Variants in MAGI2 observed in about 807,000 individuals in gnomAD.
MAGI2 encodes the protein membrane-associated guanylate kinase, WW and PDZ domain-containing protein 2.
A neutral mutation model predicts 133.3 loss-of-function variants in MAGI2; 35 were observed. That is an observed-to-expected ratio of 0.26 (90% CI 0.20 to 0.35). MAGI2 has a LOEUF of 0.35. Ranked by LOEUF, MAGI2 falls within the 10% of genes least tolerant of loss-of-function variation. MAGI2 has a pLI of 1.00. For synonymous variants in MAGI2, 729 were observed against 710.6 expected, an observed-to-expected ratio of 1.03 and a Z score of -0.41; for missense variants, 1,636 against 1,863.4, an observed-to-expected ratio of 0.88 and a Z score of 2.25.
At chr7:79,342,338 T>C (rs574974348) in intron 1 of MAGI2, among the ~76,000 whole-genome samples, 1 of 152,336 alleles carries the variant, frequency 6.6e-6, no homozygotes, top group South Asian at 2.1e-4. Flanking sequence ...CTCAGTACTG[T>C]TAGAGCCTCA....
chr7:78,637,187 T>G (rs537653650), intron 2 of MAGI2, among the ~76,000 whole-genome samples: 309 of 152,366 alleles, frequency 2.0e-3, no homozygotes, highest in African/African-American at 7.1e-3. Flanking sequence ...TAAGCCATCC[T>G]TCATTTTCTG....
chr7:78,202,665 A>AGAGT lies in MAGI2; in HGVS notation c.2048-1476_2048-1473dup, dbSNP rs1339853454. On this transcript the variant is annotated intron_variant, in intron 10 of 21. Coordinates refer to ENST00000354212, the MANE Select transcript of MAGI2 (RefSeq NM_012301.4). The stretch of plus-strand genomic sequence containing the variant: ...GCCACTGTACTCCAGCCTGGGCAAC[A>AGAGT]GAGTGAGACTCTGTCTCAAAAAAAA... 3.8e-5 allele frequency among the ~76,000 whole-genome samples: 5 copies of AGAGT among 132,126 alleles called. No homozygotes were observed. The East Asian group carries it at 9.6e-4, about 25-fold the overall frequency. 86.7% of individuals were successfully genotyped at this position (132,126 alleles called of 152,430 possible).
intron 1 of MAGI2, among the ~76,000 whole-genome samples, chr7:79,422,171 T>A (rs532287315): frequency 9.9e-5 from 15 of 152,160 alleles, no homozygotes; most frequent in African/African-American, 3.4e-4. Flanking sequence ...GCTCATAAAT[T>A]CTACATGACC....
chr7:79,321,886 A>C (rs1218196633), intron 1 of MAGI2, among the ~76,000 whole-genome samples: 1 of 152,122 alleles, frequency 6.6e-6, no homozygotes, highest in Non-Finnish European at 1.5e-5. Context: ...ATCAGTGGAG[A>C]CTGACTTTAA....
rs138679369 is a variant in MAGI2, at chr7:78,257,468, C to G, written c.1409-887G>C. ...GATCAGTTTCAATAAAGGCACTTGT[C>G]CTTTCTCCCCAGTGAACTATCACAG... On this transcript the variant is annotated intron_variant, in intron 9 of 21. Coordinates refer to ENST00000354212, the MANE Select transcript of MAGI2 (RefSeq NM_012301.4). 3.8e-4 allele frequency among the ~76,000 whole-genome samples: 58 copies of G among 152,232 alleles called. 1 individual carries two copies. In the East Asian group the frequency reaches 8.7e-3, roughly 23 times the overall value.
chr7:78,387,668 T>G (rs1795507882), intron 6 of MAGI2, among the ~76,000 whole-genome samples: 1 of 152,174 alleles, frequency 6.6e-6, no homozygotes, highest in Admixed American at 6.5e-5. Flanking sequence ...GTCTCACACC[T>G]GTAATCCCAG....
At chr7:79,107,662 T>C (rs961874528) in intron 1 of MAGI2, among the ~76,000 whole-genome samples, 2 of 152,228 alleles carry the variant, frequency 1.3e-5, no homozygotes, top group Admixed American at 1.3e-4. Flanking sequence ...GAAATTCTTA[T>C]GCATACTCCA....
At chr7:78,700,672 A>G (rs1172148161) in intron 2 of MAGI2, among the ~76,000 whole-genome samples, 1 of 152,044 alleles carries the variant, frequency 6.6e-6, no homozygotes, top group African/African-American at 2.4e-5. Flanking sequence ...CAAAGATTGA[A>G]GATATCTGAC....
intron 1 of MAGI2, among the ~76,000 whole-genome samples, chr7:79,176,671 C>G (rs1362883881): frequency 2.0e-5 from 3 of 151,900 alleles, no homozygotes; most frequent in Admixed American, 6.6e-5. Flanking sequence ...TAGAATTTGC[C>G]TTTGCCCACT....
At chr7:78,800,065 C>A (rs547586605) in intron 2 of MAGI2, among the ~76,000 whole-genome samples, 2 of 152,106 alleles carry the variant, frequency 1.3e-5, no homozygotes, top group Admixed American at 6.6e-5. Context: ...TGGTATGATT[C>A]ATCTTTCTAT....
intron 2 of MAGI2, among the ~76,000 whole-genome samples, chr7:79,003,479 A>T (rs1341963907): frequency 6.6e-6 from 1 of 152,230 alleles, no homozygotes; most frequent in Non-Finnish European, 1.5e-5. Context: ...ATGTATCATT[A>T]ATGCATGCAT....
intron 1 of MAGI2, among the ~76,000 whole-genome samples, chr7:79,099,631 C>T (rs1370340866): frequency 1.3e-5 from 2 of 152,092 alleles, no homozygotes; most frequent in African/African-American, 2.4e-5. Flanking sequence ...TCCTCTCTCC[C>T]TTCACCCTTA....
At chr7:78,953,302 A>C (rs908556638) in intron 2 of MAGI2, among the ~76,000 whole-genome samples, 3 of 152,170 alleles carry the variant, frequency 2.0e-5, no homozygotes, top group Admixed American at 6.5e-5. Flanking sequence ...CCAAGAGGGC[A>C]GTAAAAACTT....
intron 7 of MAGI2, among the ~76,000 whole-genome samples, chr7:78,362,250 C>T (rs886750084): frequency 5.9e-5 from 9 of 151,960 alleles, no homozygotes; most frequent in African/African-American, 7.3e-5. Context: ...TGCAGTAAGC[C>T]GAGATTGCAC....
intron 1 of MAGI2, among the ~76,000 whole-genome samples, chr7:79,080,700 A>G (rs1024933563): frequency 2.6e-5 from 4 of 152,112 alleles, no homozygotes; most frequent in African/African-American, 9.7e-5. Flanking sequence ...TCGCTATTAC[A>G]TAAGACAGGT....
chr7:79,010,584 T>C (rs1235699205), intron 1 of MAGI2, among the ~76,000 whole-genome samples: 2 of 152,198 alleles, frequency 1.3e-5, no homozygotes, highest in Non-Finnish European at 2.9e-5. Flanking sequence ...GAGTTTCTGC[T>C]CTATCATTTG....
chr7:78,280,623 C>T (rs17343643), intron 9 of MAGI2, among the ~76,000 whole-genome samples: 28,417 of 151,876 alleles, frequency 0.19, 3,187 homozygotes, highest in South Asian at 0.31. Context: ...CTCCATTTTA[C>T]CAGGTTAGAA....
At chr7:79,027,211 A>G (rs1809983828) in intron 1 of MAGI2, among the ~76,000 whole-genome samples, 1 of 152,138 alleles carries the variant, frequency 6.6e-6, no homozygotes, top group South Asian at 2.1e-4. Flanking sequence ...AAGATTTGAA[A>G]TGAGATTGTC....
intron 2 of MAGI2, among the ~76,000 whole-genome samples, chr7:78,793,374 T>C (rs536921774): frequency 5.9e-5 from 9 of 152,358 alleles, no homozygotes; most frequent in Non-Finnish European, 1.2e-4. Flanking sequence ...GTTGCACCTA[T>C]GGCATCTAGT....
Sources: allele counts gnomAD v4.1 joint callset (sites outside exome capture counted in the v4.1 genomes callset), GRCh38; gene constraint gnomAD v4.1.1; transcripts MANE v1.5; gene names NCBI Gene and HGNC (gene_info 2026-07-23, HGNC 2026-07-21).